STX1A: variants seen among roughly 807,000 people sequenced by gnomAD.
STX1A encodes the protein syntaxin 1A.
STX1A carries 4 observed loss-of-function variants against 37.8 expected under a neutral mutation model. The ratio of observed to expected loss-of-function variants is 0.11; its 90% CI spans 0.05 to 0.24. The LOEUF (loss-of-function observed/expected upper bound fraction) is 0.24. Among genes scored for constraint, STX1A ranks in the 10% least tolerant of loss-of-function variants. The pLI, the probability that STX1A is intolerant of heterozygous loss-of-function variation, is 1.00. For synonymous variants in STX1A, 135 were observed against 147.4 expected (o/e 0.92, Z 0.61); for missense variants, 251 against 399.9 (o/e 0.63, Z 3.18).
rs1394498286 is a variant in STX1A, at chr7:73,705,273, C to A, written c.209-49G>T. Reference sequence around the variant, plus strand: ...GTAGGCCTCCTAGGCTCCGCGGGGACTGATGTGCAGGCTCAGCCTCCAGCC... The same window carrying A: ...GTAGGCCTCCTAGGCTCCGCGGGGAATGATGTGCAGGCTCAGCCTCCAGCC... On this transcript the variant is annotated intron_variant, in intron 3 of 9. Coordinates refer to ENST00000222812, the MANE Select transcript of STX1A (RefSeq NM_004603.4). The surrounding 1 kb of genome is among the most constrained non-coding windows in gnomAD (Gnocchi z 5.2). The A allele has an allele frequency of 5.3e-6, 8 of 1,510,796 alleles. No individual in the cohort carries two copies. Among genetic ancestry groups the A allele is most frequent in the Non-Finnish European group, 7.4e-6 (8 of 1,087,496 alleles). The allele number at this position is 1,510,796 out of a possible 1,614,324, so 93.6% of individuals were successfully genotyped here.
At chr7:73,719,531 G>C in intron 1 of STX1A, 71 bp downstream of exon 1, 5 of 1,183,794 alleles carry the variant, frequency 4.2e-6, no homozygotes, top group Non-Finnish European at 5.3e-6. Context: ...CGCGGGAGCC[G>C]GGCGGGAAGT....
intron 2 of STX1A, 134 bp downstream of exon 2, chr7:73,708,911 C>G: frequency 9.7e-7 from 1 of 1,029,348 alleles, no homozygotes; most frequent in South Asian, 1.4e-5. Context: ...ACCCTCAAAA[C>G]GGTTCATTCG....
intron 6 of STX1A, 65 bp from the exon 7 acceptor site, chr7:73,703,893 C>A (rs543033066): frequency 1.3e-6 from 2 of 1,534,366 alleles, no homozygotes; most frequent in Admixed American, 3.7e-5. Flanking sequence ...AGCATTGGGC[C>A]CCGCCCCCTC....
chr7:73,716,399 C>G (rs1441939041), intron 1 of STX1A, among the ~76,000 whole-genome samples: 1 of 152,254 alleles, frequency 6.6e-6, no homozygotes, highest in African/African-American at 2.4e-5. Context: ...ATGGGCAAAG[C>G]AGGGCCCTGG....
intron 7 of STX1A, chr7:73,703,540 G>C: frequency 1.4e-6 from 1 of 712,138 alleles, no homozygotes; most frequent in Non-Finnish European, 2.5e-6. Flanking sequence ...GTCCAACTGG[G>C]AGGCATCAGG....
At chr7:73,715,850 C>T (rs782810504) in intron 1 of STX1A, among the ~76,000 whole-genome samples, 16 of 152,166 alleles carry the variant, frequency 1.1e-4, no homozygotes, top group African/African-American at 1.4e-4. Context: ...CAGGGGTGTG[C>T]GAGAGGCCAA....
chr7:73,703,981 A>G (rs1209127396), intron 6 of STX1A, 153 bp from the exon 7 acceptor site: 5 of 444,662 alleles, frequency 1.1e-5, no homozygotes, highest in Admixed American at 5.4e-5. Flanking sequence ...TTAACACAGC[A>G]GCCGCCTCAG....
chr7:73,703,876 C>A (rs781867775), intron 6 of STX1A, 48 bp from the exon 7 acceptor site: 1 of 1,586,990 alleles, frequency 6.3e-7, no homozygotes, highest in South Asian at 1.1e-5. Context: ...TCGGGGAGTT[C>A]AGCAGCAGCA....
intron 1 of STX1A, among the ~76,000 whole-genome samples, chr7:73,716,910 C>G (rs1799305808): frequency 6.6e-6 from 1 of 152,304 alleles, no homozygotes; most frequent in African/African-American, 2.4e-5. Flanking sequence ...GACCCTGGCC[C>G]TGTCTTCGGT....
chr7:73,700,088 C>CGCCTAACCA lies in STX1A; in HGVS notation c.*318_*319insTGGTTAGGC. 1 of 446,746 alleles carries CGCCTAACCA rather than the reference C, an allele frequency of 2.2e-6. No homozygotes were observed. Among genetic ancestry groups the CGCCTAACCA allele is most frequent in the Non-Finnish European group, 4.1e-6 (1 of 242,760 alleles). The allele number at this position is 446,746 out of a possible 1,614,324, so 27.7% of individuals were successfully genotyped here. A position where few individuals can be genotyped will look rare whatever the true frequency, so the allele number is the denominator to read the frequency against. On this transcript the variant is annotated 3_prime_UTR_variant, in exon 10 of 10. Transcript: ENST00000222812. The surrounding 1 kb of genome is among the most constrained non-coding windows in gnomAD (Gnocchi z 4.4). Reference sequence around the variant, plus strand: ...AGGGAAGAGCAGAACCTGGGCCCACCGAGTTACTGAAGGCAAGGAAGGGTG... The same window carrying CGCCTAACCA: ...AGGGAAGAGCAGAACCTGGGCCCACCGCCTAACCAGAGTTACTGAAGGCAAGGAAGGGTG...
At position 73,717,413 on chromosome 7, in the gene STX1A, T is replaced by C. The variant is rs1799326932; in HGVS notation, c.30+2189A>G. On this transcript the variant is annotated intron_variant, in intron 1 of 9. Transcript: ENST00000222812. The surrounding 1 kb of genome is among the most constrained non-coding windows in gnomAD (Gnocchi z 4.1). ...TGGGGCTTCAGGCCTCCTACAAATG[T>C]GGAGCTGGAGTCAGGAGACCTGTAG... Among the ~76,000 whole-genome samples, 1 of 152,136 alleles carries C rather than the reference T, an allele frequency of 6.6e-6. No homozygotes were observed. The highest frequency in any genetic ancestry group is 2.4e-5 in the African/African-American group (1 of 41,432).
intron 1 of STX1A, among the ~76,000 whole-genome samples, chr7:73,714,766 T>TG (rs762575373): frequency 2.5e-3 from 91 of 36,934 alleles, no homozygotes; most frequent in Non-Finnish European, 4.4e-3. Flanking sequence ...CAGAATCCTT[T>TG]GGGGGGGTTA....
At chr7:73,704,019 G>A in intron 6 of STX1A, 129 bp downstream of exon 6, 1 of 975,832 alleles carries the variant, frequency 1.0e-6, no homozygotes, top group South Asian at 1.6e-5. Context: ...CCCAAACTCA[G>A]CAGCTGCCTC....
chr7:73,704,556 C>A (rs1336953803), intron 4 of STX1A, 133 bp from the exon 5 acceptor site: 43 of 1,134,428 alleles, frequency 3.8e-5, no homozygotes, highest in Non-Finnish European at 5.3e-5. Context: ...GGGATCAGTG[C>A]CAGGCACCGA....
intron 1 of STX1A, among the ~76,000 whole-genome samples, chr7:73,711,644 C>T (rs2116762738): frequency 6.6e-6 from 1 of 152,192 alleles, no homozygotes; most frequent in South Asian, 2.1e-4. Context: ...AGGAGGAGCC[C>T]AGTTCCTCCT....
chr7:73,716,096 G>A (rs1554618642), intron 1 of STX1A, among the ~76,000 whole-genome samples: 1 of 152,246 alleles, frequency 6.6e-6, no homozygotes, highest in East Asian at 1.9e-4. Flanking sequence ...CTGTAAGATA[G>A]GAGGTTGAAC....
At position 73,705,522 on chromosome 7, in the gene STX1A, G is replaced by C; in HGVS notation, c.209-298C>G. 1 of 356,578 alleles carries C rather than the reference G, an allele frequency of 2.8e-6. No individual in the cohort carries two copies. Among genetic ancestry groups the C allele is most frequent in the South Asian group, 3.6e-5 (1 of 27,522 alleles). 22.1% of individuals were successfully genotyped at this position (356,578 alleles called of 1,614,324 possible). ...GTCTAAATTTAAGGCAGAAGTAATT[G>C]TGGAGCAGCTGGCGATGCTGGAGTT... On this transcript the variant is annotated intron_variant, in intron 3 of 9. Coordinates refer to ENST00000222812, the MANE Select transcript of STX1A (RefSeq NM_004603.4). The surrounding 1 kb of genome is among the most constrained non-coding windows in gnomAD (Gnocchi z 5.2).
At chr7:73,711,406 G>GGCCTCCTCTCTTTAAGATATCGTACC in intron 1 of STX1A, 1 of 153,582 alleles carries the variant, frequency 6.5e-6, no homozygotes, top group African/African-American at 2.4e-5. Context: ...GGCTCAGAGG[G>GGCCTCCTCTCTTTAAGATATCGTACC]GCCTCCTCTC....
intron 1 of STX1A, among the ~76,000 whole-genome samples, chr7:73,715,018 G>A (rs566437643): frequency 6.6e-5 from 10 of 151,884 alleles, no homozygotes; most frequent in South Asian, 2.1e-4. Flanking sequence ...CCAGCTACTC[G>A]GTAGGATGAG....
Sources: allele counts gnomAD v4.1 joint callset (sites outside exome capture counted in the v4.1 genomes callset), GRCh38; gene constraint gnomAD v4.1.1; non-coding constraint Gnocchi (gnomAD v3.1); transcripts MANE v1.5; gene names NCBI Gene and HGNC (gene_info 2026-07-23, HGNC 2026-07-21).